Variants in ADARB2 observed in about 807,000 individuals in gnomAD.
The protein encoded by ADARB2 is inactive double-stranded RNA-specific editase B2.
Under a neutral mutation model 62.2 loss-of-function variants are expected in ADARB2, and 25 were observed. That is an observed-to-expected ratio of 0.40 (90% CI 0.29 to 0.56). ADARB2 has a LOEUF of 0.56. Ranked by LOEUF, ADARB2 falls within the 20% of genes least tolerant of loss-of-function variation. ADARB2 has a pLI of 0.43. For synonymous variants in ADARB2, 572 were observed against 500.8 expected, an observed-to-expected ratio of 1.14 and a Z score of -1.90; for missense variants, 1,071 against 1,077.4, an observed-to-expected ratio of 0.99 and a Z score of 0.08.
At position 1,337,082 on chromosome 10, in the gene ADARB2, G is replaced by GTGTGTGTGTGTGTA. The variant is rs145164849; in HGVS notation, c.1077+25945_1077+25946insTACACACACACACA. Among the ~76,000 whole-genome samples the GTGTGTGTGTGTGTA allele has an allele frequency of 6.6e-3, 1,006 of 151,520 alleles. 11 individuals are homozygous for GTGTGTGTGTGTGTA. The highest frequency in any genetic ancestry group is 0.022 in the African/African-American group (904 of 41,188). Reference sequence around the variant, plus strand: ...GATTTCTGTGTGTGTGTGTGTGTGTGTGTGTGTGTGTTTTAGATATAACCA... The same window carrying GTGTGTGTGTGTGTA: ...GATTTCTGTGTGTGTGTGTGTGTGTGTGTGTGTGTGTGTATGTGTGTGTGTTTTAGATATAACCA... On this transcript the variant is annotated intron_variant, in intron 3 of 9. Transcript: ENST00000381312.
At position 1,379,091 on chromosome 10, in the gene ADARB2, T is replaced by G; in HGVS notation, c.170A>C (p.Glu57Ala). 2.5e-6 allele frequency: 4 copies of G among 1,613,648 alleles called. No homozygotes were observed. Among genetic ancestry groups the G allele is most frequent in the Non-Finnish European group, 3.4e-6 (4 of 1,179,626 alleles). The change falls in exon 2 of 10, where the codon GAG becomes GCG. Residue 57 changes from glutamate to alanine, a missense_variant. Physicochemically the swap from Glu to Ala is moderately radical, Grantham distance 107 (BLOSUM62 -1). Coordinates refer to ENST00000381312, the MANE Select transcript of ADARB2 (RefSeq NM_018702.4). ...TTGCTTACTGAGGGTGTCGTCATCC[T>G]CCGTGTTTGTGATGCCAGGACTCAG... ...KHLSPGITNTEDDDTLSTSSA... is the reference protein window; with the variant it reads ...KHLSPGITNTADDDTLSTSSA...
At chr10:1,508,558 T>C (rs1293110986) in intron 1 of ADARB2, among the ~76,000 whole-genome samples, 1 of 152,172 alleles carries the variant, frequency 6.6e-6, no homozygotes, top group Middle Eastern at 3.2e-3. Flanking sequence ...GGCCGGCTGA[T>C]TGTCTGAGGT....
At chr10:1,223,373 T>C (rs1275726948) in intron 6 of ADARB2, among the ~76,000 whole-genome samples, 6 of 152,200 alleles carry the variant, frequency 3.9e-5, no homozygotes, top group Non-Finnish European at 8.8e-5. Flanking sequence ...CAGGGACAAT[T>C]TGACTTCCTC....
chr10:1,718,117 A>C (rs1413417318), intron 1 of ADARB2, among the ~76,000 whole-genome samples: 2 of 152,366 alleles, frequency 1.3e-5, no homozygotes, highest in Non-Finnish European at 2.9e-5. Context: ...CAAACACAGC[A>C]GCAACAGAAA....
chr10:1,464,226 A>G (rs11250540), intron 1 of ADARB2, among the ~76,000 whole-genome samples: 988 of 30,522 alleles, frequency 0.032, no homozygotes, highest in Middle Eastern at 0.062. Context: ...CGCGCTGGGG[A>G]CAGTCACAGC....
intron 1 of ADARB2, among the ~76,000 whole-genome samples, chr10:1,582,605 GGT>G (rs1238078029): frequency 1.1e-4 from 16 of 152,138 alleles, no homozygotes; most frequent in Non-Finnish European, 1.9e-4. Context: ...GAATGCAATG[GGT>G]GCACCAAGCA....
chr10:1,455,917 T>G (rs1004319316), intron 1 of ADARB2, among the ~76,000 whole-genome samples: 2 of 152,200 alleles, frequency 1.3e-5, no homozygotes, highest in African/African-American at 4.8e-5. Flanking sequence ...CAAAAGGGAT[T>G]CGTTTTTCTT....
At chr10:1,497,802 C>T (rs540059330) in intron 1 of ADARB2, among the ~76,000 whole-genome samples, 1 of 151,886 alleles carries the variant, frequency 6.6e-6, no homozygotes, top group South Asian at 2.1e-4. Context: ...CAGAAGTAAC[C>T]ACTTTAAGTA....
At chr10:1,234,370 G>C (rs79424640) in intron 5 of ADARB2, among the ~76,000 whole-genome samples, 2 of 152,116 alleles carry the variant, frequency 1.3e-5, no homozygotes, top group African/African-American at 2.4e-5. Context: ...ATGAAACTAC[G>C]TGAATGCGAA....
At chr10:1,618,907 C>A (rs1833675835) in intron 1 of ADARB2, among the ~76,000 whole-genome samples, 1 of 152,142 alleles carries the variant, frequency 6.6e-6, no homozygotes, top group Non-Finnish European at 1.5e-5. Context: ...CCAAAAGCAA[C>A]TATACAGCTG....
chr10:1,593,991 C>T (rs1833300581), intron 1 of ADARB2, among the ~76,000 whole-genome samples: 1 of 152,148 alleles, frequency 6.6e-6, no homozygotes, highest in Non-Finnish European at 1.5e-5. Flanking sequence ...GATGTACTGA[C>T]TTAAAAACAA....
chr10:1,494,856 T>C (rs1305659430), intron 1 of ADARB2, among the ~76,000 whole-genome samples: 1 of 152,162 alleles, frequency 6.6e-6, no homozygotes, highest in Admixed American at 6.5e-5. Flanking sequence ...ACCTGGTGGA[T>C]TATTGCAGCT....
intron 1 of ADARB2, among the ~76,000 whole-genome samples, chr10:1,695,828 G>A (rs1834734700): frequency 6.7e-6 from 1 of 150,258 alleles, no homozygotes; most frequent in Admixed American, 6.6e-5. Context: ...TTGTGAGAGT[G>A]CATGCATGTG....
At chr10:1,666,469 C>G (rs1022045940) in intron 1 of ADARB2, among the ~76,000 whole-genome samples, 22 of 152,354 alleles carry the variant, frequency 1.4e-4, no homozygotes, top group African/African-American at 4.6e-4. Context: ...TGTGTTCCCC[C>G]AATCGTGTTC....
chr10:1,566,870 G>A (rs1460653530), intron 1 of ADARB2, among the ~76,000 whole-genome samples: 1 of 152,012 alleles, frequency 6.6e-6, no homozygotes, highest in Non-Finnish European at 1.5e-5. Flanking sequence ...TCTGGCTAAA[G>A]CAATTTTTAT....
At chr10:1,596,933 T>TG (rs961870895) in intron 1 of ADARB2, among the ~76,000 whole-genome samples, 18 of 151,928 alleles carry the variant, frequency 1.2e-4, no homozygotes, top group Non-Finnish European at 2.2e-4. Context: ...CAAAAGGGAA[T>TG]GGGGGGGCTT....
intron 3 of ADARB2, chr10:1,290,400 T>C (rs929184689): frequency 1.3e-5 from 2 of 152,280 alleles, no homozygotes; most frequent in African/African-American, 4.8e-5. Flanking sequence ...TGAAGCCAGA[T>C]GCTGGGGTCC....
intron 6 of ADARB2, among the ~76,000 whole-genome samples, chr10:1,223,071 TTG>T (rs2131760342): frequency 6.6e-6 from 1 of 152,372 alleles, no homozygotes; most frequent in South Asian, 2.1e-4. Flanking sequence ...TTCGATTTGT[TTG>T]TGTCCTCTTT....
chr10:1,717,910 C>G (rs2119160876), intron 1 of ADARB2, among the ~76,000 whole-genome samples: 1 of 152,286 alleles, frequency 6.6e-6, no homozygotes, highest in African/African-American at 2.4e-5. Context: ...CTAAGGGTGG[C>G]TTGCAAGCTG....
Sources: gnomAD v4.1 joint callset for allele counts (sites outside exome capture counted in the v4.1 genomes callset) on GRCh38, gnomAD v4.1.1 for gene constraint, MANE v1.5 for transcripts, NCBI Gene and HGNC (gene_info 2026-07-23, HGNC 2026-07-21) for gene names.